Variants in SYNGR4 observed in about 807,000 individuals in gnomAD.
SYNGR4 encodes synaptogyrin 4.
SYNGR4 carries 15 observed loss-of-function variants against 15.5 expected under a neutral mutation model. The observed-to-expected ratio is 0.97, with a 90% CI of 0.65 to 1.49. SYNGR4 has a LOEUF of 1.49. SYNGR4 is among the 40% of genes most tolerant of loss of function. SYNGR4 has a pLI of 0.00. For missense variants in SYNGR4, 292 were observed against 299.3 expected (o/e 0.98, Z 0.18); for synonymous variants, 121 against 127.4 (o/e 0.95, Z 0.34).
chr19:48,375,853 G>C, intron 4 of SYNGR4, 101 bp downstream of exon 4: 2 of 1,539,730 alleles, frequency 1.3e-6, no homozygotes, highest in Non-Finnish European at 1.7e-6. Flanking sequence ...GCTCCCCTGG[G>C]GGTCAGGGGT....
chr19:48,374,076 C>CT (rs946583656), intron 3 of SYNGR4, among the ~76,000 whole-genome samples: 2,077 of 132,712 alleles, frequency 0.016, 69 homozygotes, highest in African/African-American at 0.034. Flanking sequence ...GAAAATCTCT[C>CT]TTTTTTTTTT....
chr19:48,372,045 A>C (rs961181864), intron 2 of SYNGR4, among the ~76,000 whole-genome samples: 1 of 148,938 alleles, frequency 6.7e-6, no homozygotes, highest in Non-Finnish European at 1.5e-5. Context: ...ACACCCAGCT[A>C]TTTTTGTTTT....
At chr19:48,365,301 T>C (rs114415083) in intron 1 of SYNGR4, among the ~76,000 whole-genome samples, 2,343 of 47,474 alleles carry the variant, frequency 0.049, 167 homozygotes, top group African/African-American at 0.19. Context: ...GCATCCTATG[T>C]CCCCCACTTC....
In SYNGR4 at chr19:48,365,864, C is replaced by G. The variant is rs759228116; in HGVS notation, c.22C>G (p.Gln8Glu). 1.2e-6 allele frequency: 2 copies of G among 1,613,774 alleles called. No individual in the cohort carries two copies. The highest frequency in any genetic ancestry group is 1.3e-5 in the African/African-American group (1 of 74,922). Residue 8 changes from glutamine to glutamate, a missense_variant, in exon 2 of 5, where the codon CAG (glutamine) becomes GAG (glutamate). Transcript: ENST00000344846. Reference sequence around the variant, plus strand: ...TGCCATGCACATCCCCAAAAGCCTCCAGGAGCTGGCCAACAGCGAAGCCGT... The same window carrying G: ...TGCCATGCACATCCCCAAAAGCCTCGAGGAGCTGGCCAACAGCGAAGCCGT... MHIPKSL[Q>E]ELANSEAVQF...
rs766937770 is a variant in SYNGR4 at position 48,373,693 on chromosome 19, G to A, written c.270G>A (p.Glu90=). The A allele has an allele frequency of 3.7e-6, 6 of 1,613,964 alleles. No homozygotes were observed. The highest frequency in any genetic ancestry group is 3.3e-4 in the Middle Eastern group (2 of 6,060). Reference sequence around the variant, plus strand: ...CCTTCCTCGTCCTGGACACACAGGAGACCCGCATTGCCGGCACCCGCTTCA... The same window carrying A: ...CCTTCCTCGTCCTGGACACACAGGAAACCCGCATTGCCGGCACCCGCTTCA... The part of the protein sequence containing the change: ...CLAFLVLDTQ[E]TRIAGTRFKT... The change falls in exon 3 of 5, where the codon GAG becomes GAA. Residue 90 remains glutamate (E), a synonymous_variant. Transcript: ENST00000344846.
intron 2 of SYNGR4, among the ~76,000 whole-genome samples, chr19:48,366,563 G>A (rs1006542770): frequency 2.6e-5 from 4 of 151,900 alleles, no homozygotes; most frequent in South Asian, 2.1e-4. Context: ...GCGCCACTGC[G>A]CCTGGCTAAT....
intron 2 of SYNGR4, among the ~76,000 whole-genome samples, chr19:48,372,627 G>T (rs1463756951): frequency 6.6e-6 from 1 of 151,982 alleles, no homozygotes; most frequent in Admixed American, 6.6e-5. Context: ...CTCCAGCCTG[G>T]GTGACAGCCA....
At position 48,373,770 on chromosome 19, in the gene SYNGR4, C is replaced by A; in HGVS notation, c.331+16C>A. ...ATCCTGGCTGGTGAGCCCCCAGGAC[C>A]CCCAACCCAGAGCTGCCCCTCCTCC... On this transcript the variant is annotated intron_variant, in intron 3 of 4. Coordinates refer to ENST00000344846, the MANE Select transcript of SYNGR4 (RefSeq NM_012451.4). 1 of 1,611,780 alleles carries A rather than the reference C, an allele frequency of 6.2e-7. No homozygotes were observed. Among genetic ancestry groups the A allele is most frequent in the Non-Finnish European group, 8.5e-7 (1 of 1,178,590 alleles).
Position 48,373,343 on chromosome 19 carries a change from C to T in SYNGR4, c.94-174C>T, listed in dbSNP as rs540497850. The T allele has an allele frequency of 2.2e-5, 14 of 638,848 alleles. No homozygotes were observed. The East Asian group carries it at 3.7e-4, about 17-fold the overall frequency. 39.6% of individuals were successfully genotyped at this position (638,848 alleles called of 1,614,324 possible). Reference sequence around the variant, plus strand: ...AGACGAGGCCTGAGCCAGGATGGAGCAGAGGGGACGAGGGGCAGGAAGCTG... The same window carrying T: ...AGACGAGGCCTGAGCCAGGATGGAGTAGAGGGGACGAGGGGCAGGAAGCTG... On this transcript the variant is annotated intron_variant, in intron 2 of 4. Transcript: ENST00000344846.
chr19:48,368,483 T>C (rs1315175917), intron 2 of SYNGR4, among the ~76,000 whole-genome samples: 2 of 152,030 alleles, frequency 1.3e-5, no homozygotes, highest in Non-Finnish European at 2.9e-5. Flanking sequence ...CCTCCTGGGT[T>C]CAAGCAATTC....
At position 48,373,641 on chromosome 19, in the gene SYNGR4, G is replaced by A. The variant is rs181498527; in HGVS notation, c.218G>A (p.Gly73Asp). ...GCCTGCAGCTTTGCCGTGGGAGCCG[G>A]CTTCCTGGCCTTCCTCAGCTGCCTG... ...SVACSFAVGA[G>D]FLAFLSCLAF... Residue 73 changes from glycine to aspartate, a missense_variant, in exon 3 of 5, where the codon GGC becomes GAC. Gly to Asp is a moderately conservative substitution (Grantham distance 94). Coordinates refer to ENST00000344846, the MANE Select transcript of SYNGR4 (RefSeq NM_012451.4). 6.2e-7 allele frequency: 1 copy of A among 1,613,764 alleles called. No individual in the cohort carries two copies. The highest frequency in any genetic ancestry group is 8.5e-7 in the Non-Finnish European group (1 of 1,180,018).
intron 2 of SYNGR4, among the ~76,000 whole-genome samples, chr19:48,371,576 T>C (rs533047312): frequency 8.3e-6 from 1 of 119,842 alleles, no homozygotes; most frequent in Non-Finnish European, 1.6e-5. Flanking sequence ...ACTGACCAGC[T>C]GATTTTTTTT....
chr19:48,373,581 C>T lies in SYNGR4; in HGVS notation c.158C>T (p.Pro53Leu), dbSNP rs746474138. The T allele has an allele frequency of 1.1e-5, 18 of 1,613,850 alleles. 1 individual carries two copies. The highest frequency in any genetic ancestry group is 9.9e-5 in the South Asian group (9 of 91,086). Residue 53 changes from proline (P) to leucine (L), a missense_variant, in exon 3 of 5, where the codon CCG (proline) becomes CTG (leucine). Transcript: ENST00000344846. Reference protein sequence around the residue: ...TDGYQNKMESPQLHCILNSNS... With the variant: ...TDGYQNKMESLQLHCILNSNS... The stretch of plus-strand genomic sequence containing the variant: ...GGCTACCAGAACAAGATGGAGTCTC[C>T]GCAGCTCCACTGCATTCTCAACAGC...
intron 2 of SYNGR4, among the ~76,000 whole-genome samples, chr19:48,370,623 G>A (rs934625206): frequency 1.3e-5 from 2 of 152,024 alleles, no homozygotes; most frequent in Admixed American, 6.6e-5. Flanking sequence ...GCAGTGGTGC[G>A]ATCACAGCTC....
At chr19:48,369,790 T>C (rs758591825) in intron 2 of SYNGR4, among the ~76,000 whole-genome samples, 2 of 152,134 alleles carry the variant, frequency 1.3e-5, no homozygotes, top group African/African-American at 2.4e-5. Context: ...AAATGATCAA[T>C]GTGCTTTCTT....
intron 2 of SYNGR4, chr19:48,373,316 G>A: frequency 1.7e-6 from 1 of 593,728 alleles, no homozygotes; most frequent in South Asian, 2.0e-5. Context: ...GCCAAGGAGA[G>A]CAGACGAGGC....
At chr19:48,375,369 G>T (rs551954316) in intron 3 of SYNGR4, among the ~76,000 whole-genome samples, 1 of 152,254 alleles carries the variant, frequency 6.6e-6, no homozygotes, top group South Asian at 2.1e-4. Context: ...CGCTGCATGA[G>T]GCCGGCGGCT....
rs763151844 is a variant in SYNGR4 at position 48,373,741 on chromosome 19, C to A, written c.318C>A (p.Asp106Glu). The change falls in exon 3 of 5, where the codon GAC becomes GAA. Residue 106 changes from aspartate to glutamate, a missense_variant. Physicochemically the swap from Asp to Glu is conservative, Grantham distance 45. Coordinates refer to ENST00000344846, the MANE Select transcript of SYNGR4 (RefSeq NM_012451.4). ...TCAAGACAGCCTTCCAGCTCCTGGA[C>A]TTCATCCTGGCTGGTGAGCCCCCAG... ...TRFKTAFQLL[D>E]FILAVLWAVV... 1.2e-5 allele frequency: 20 copies of A among 1,613,796 alleles called. No homozygotes were observed. Among genetic ancestry groups the A allele is most frequent in the African/African-American group, 2.7e-5 (2 of 74,924 alleles).
intron 2 of SYNGR4, among the ~76,000 whole-genome samples, chr19:48,371,361 A>G (rs995768592): frequency 2.1e-5 from 3 of 143,282 alleles, no homozygotes; most frequent in African/African-American, 7.9e-5. Flanking sequence ...CCCCATCTAC[A>G]CACCAGCTCG....
Sources: allele counts gnomAD v4.1 joint callset (sites outside exome capture counted in the v4.1 genomes callset), GRCh38; gene constraint gnomAD v4.1.1; transcripts MANE v1.5; gene names NCBI Gene and HGNC (gene_info 2026-07-23, HGNC 2026-07-21).